PHACTR1: variants seen among roughly 807,000 people sequenced by gnomAD.
PHACTR1 encodes phosphatase and actin regulator 1, also known as RPEL repeat containing 1.
A neutral mutation model predicts 69.2 loss-of-function variants in PHACTR1; 16 were observed. The ratio of observed to expected loss-of-function variants is 0.23; its 90% CI spans 0.16 to 0.35. The LOEUF is 0.35. PHACTR1 is among the 10% of genes least tolerant of loss of function. The pLI is 1.00. For missense variants in PHACTR1, 510 were observed against 734.7 expected (o/e 0.69, Z 3.54); for synonymous variants, 312 against 284.5 (o/e 1.10, Z -0.97).
intron 4 of PHACTR1, among the ~76,000 whole-genome samples, chr6:12,942,336 C>T (rs991882748): frequency 6.6e-6 from 1 of 152,154 alleles, no homozygotes; most frequent in South Asian, 2.1e-4. Context: ...AGTAGAAACA[C>T]AATACAAGCT....
At chr6:13,186,631 T>C (rs1420625721) in intron 7 of PHACTR1, among the ~76,000 whole-genome samples, 1 of 152,212 alleles carries the variant, frequency 6.6e-6, no homozygotes, top group Non-Finnish European at 1.5e-5. Flanking sequence ...ATGTAGTACA[T>C]ATTTATTCAA....
At chr6:13,100,353 CAT>C (rs1312484285) in intron 5 of PHACTR1, among the ~76,000 whole-genome samples, 1 of 152,124 alleles carries the variant, frequency 6.6e-6, no homozygotes, top group Non-Finnish European at 1.5e-5. Flanking sequence ...ACTATTTCTA[CAT>C]GTGTATAAAC....
chr6:12,926,253 C>T (rs562423667), intron 4 of PHACTR1, among the ~76,000 whole-genome samples: 1 of 152,296 alleles, frequency 6.6e-6, no homozygotes, highest in South Asian at 2.1e-4. Flanking sequence ...ATCTTCTCCA[C>T]CATTTGGGTT....
chr6:12,916,925 A>C (rs1218862722), intron 4 of PHACTR1, among the ~76,000 whole-genome samples: 1 of 152,020 alleles, frequency 6.6e-6, no homozygotes, highest in African/African-American at 2.4e-5. Context: ...TGAATGACTA[A>C]TGTTTTTTTA....
chr6:12,871,998 C>T (rs757541488), intron 4 of PHACTR1, among the ~76,000 whole-genome samples: 12 of 151,900 alleles, frequency 7.9e-5, no homozygotes, highest in Non-Finnish European at 1.3e-4. Context: ...GAGTTAGTGA[C>T]CAATGAGTTT....
chr6:13,190,674 A>G (rs1763450392), intron 7 of PHACTR1, among the ~76,000 whole-genome samples: 3 of 152,074 alleles, frequency 2.0e-5, no homozygotes, highest in Admixed American at 2.0e-4. Context: ...GCATCTGACC[A>G]CAGTTAGAGA....
chr6:12,885,653 G>C (rs938232967), intron 4 of PHACTR1, among the ~76,000 whole-genome samples: 1 of 152,188 alleles, frequency 6.6e-6, no homozygotes, highest in African/African-American at 2.4e-5. Flanking sequence ...CAATGACACA[G>C]CCACTTGCAT....
intron 5 of PHACTR1, among the ~76,000 whole-genome samples, chr6:13,148,674 G>A (rs1823823412): frequency 6.6e-6 from 1 of 152,176 alleles, no homozygotes; most frequent in Non-Finnish European, 1.5e-5. Flanking sequence ...AGGCTCCTCT[G>A]TGTTAATGAC....
At chr6:12,795,600 C>A (rs1049311795) in intron 4 of PHACTR1, among the ~76,000 whole-genome samples, 2 of 151,960 alleles carry the variant, frequency 1.3e-5, no homozygotes, top group East Asian at 3.9e-4. Context: ...AACATCCAAC[C>A]AAACAATGTG....
At chr6:13,059,060 A>T (rs1028420523) in intron 5 of PHACTR1, among the ~76,000 whole-genome samples, 8 of 152,156 alleles carry the variant, frequency 5.3e-5, no homozygotes, top group African/African-American at 1.4e-4. Context: ...AATGGGTCAA[A>T]CATGAGAAGG....
At chr6:12,798,250 G>A (rs1279266883) in intron 4 of PHACTR1, among the ~76,000 whole-genome samples, 2 of 152,162 alleles carry the variant, frequency 1.3e-5, no homozygotes, top group Admixed American at 6.5e-5. Flanking sequence ...TTTCAATCCA[G>A]AAATCTGGAG....
intron 4 of PHACTR1, among the ~76,000 whole-genome samples, chr6:13,034,331 T>G (rs564057227): frequency 6.6e-6 from 1 of 152,324 alleles, no homozygotes; most frequent in Admixed American, 6.5e-5. Context: ...CTTTTCTTTT[T>G]CTAATGCACA....
rs1408086427 is a variant in PHACTR1 at position 12,955,907 on chromosome 6, CCA to C, written c.251-97457_251-97456del. On this transcript the variant is annotated intron_variant, in intron 4 of 14. Transcript: ENST00000332995. ...GGTCTCCATAAGAACAGTCATTACC[CCA>C]TGCTGACCTCAGGGGGGTATGTGGA... 6.6e-5 allele frequency among the ~76,000 whole-genome samples: 10 copies of C among 152,246 alleles called. No individual in the cohort carries two copies. In the East Asian group the frequency reaches 1.9e-3, roughly 29 times the overall value.
chr6:13,206,228 C>A, intron 8 of PHACTR1, 92 bp downstream of exon 8: 1 of 1,269,262 alleles, frequency 7.9e-7, no homozygotes, highest in Non-Finnish European at 1.1e-6. Context: ...GGAATGTGAA[C>A]AAGGGGTCAT....
Position 13,128,723 on chromosome 6 carries a change from T to G in PHACTR1, c.416-31481T>G, listed in dbSNP as rs145420168. Among the ~76,000 whole-genome samples, 508 of 152,236 alleles carry G rather than the reference T, an allele frequency of 3.3e-3. 2 individuals are homozygous for G. The highest frequency in any genetic ancestry group is 0.012 in the African/African-American group (485 of 41,560). On this transcript the variant is annotated intron_variant, in intron 5 of 14. Transcript: ENST00000332995. ...AGAGAAATCTAAAAGTCTGGAAAAC[T>G]TATTTGAGGGAATAATTGAGGAAAA...
chr6:13,011,973 G>A (rs1434510780), intron 4 of PHACTR1, among the ~76,000 whole-genome samples: 1 of 152,224 alleles, frequency 6.6e-6, no homozygotes, highest in Non-Finnish European at 1.5e-5. Flanking sequence ...TCTGACATGA[G>A]TAGACATAGT....
At chr6:13,138,186 G>A (rs1315325052) in intron 5 of PHACTR1, among the ~76,000 whole-genome samples, 2 of 152,164 alleles carry the variant, frequency 1.3e-5, no homozygotes, top group East Asian at 1.9e-4. Context: ...GTGCTAACTG[G>A]TGCTTATTGA....
intron 5 of PHACTR1, among the ~76,000 whole-genome samples, chr6:13,122,645 T>C (rs1204081645): frequency 6.6e-6 from 1 of 152,264 alleles, no homozygotes; most frequent in African/African-American, 2.4e-5. Flanking sequence ...CTTTCTACTT[T>C]TAAATACTTA....
intron 4 of PHACTR1, among the ~76,000 whole-genome samples, chr6:12,926,547 T>C (rs114420082): frequency 1.0e-3 from 156 of 152,336 alleles, no homozygotes; most frequent in African/African-American, 3.5e-3. Context: ...AGGCTCCACC[T>C]GCTCCACCCT....
Sources: allele counts gnomAD v4.1 joint callset (sites outside exome capture counted in the v4.1 genomes callset), GRCh38; gene constraint gnomAD v4.1.1; transcripts MANE v1.5; gene names NCBI Gene and HGNC (gene_info 2026-07-23, HGNC 2026-07-21).